Variants in USH2A observed in about 807,000 individuals in gnomAD.
USH2A encodes usherin, also known as Usher syndrome 2A (autosomal recessive, mild).
USH2A carries 443 observed loss-of-function variants against 538.9 expected under a neutral mutation model. The ratio of observed to expected loss-of-function variants is 0.82; its 90% CI spans 0.76 to 0.89. The LOEUF (loss-of-function observed/expected upper bound fraction) is 0.89. Ranked by LOEUF, USH2A falls within the 40% of genes least tolerant of loss-of-function variation. The probability of loss-of-function intolerance (pLI) is 0.00; values close to 1 mark genes in which losing one functional copy is unlikely to be tolerated. For missense variants in USH2A, 6,633 were observed against 6,324.8 expected (o/e 1.05, Z -1.65); for synonymous variants, 2,413 against 2,273.5 (o/e 1.06, Z -1.75).
intron 32 of USH2A, among the ~76,000 whole-genome samples, chr1:216,013,240 G>A (rs902078850): frequency 6.7e-6 from 1 of 149,926 alleles, no homozygotes; most frequent in Non-Finnish European, 1.5e-5. Context: ...AATGACAAAT[G>A]TTTCTTCTAA....
At chr1:215,726,707 C>T (rs1356294946) in intron 61 of USH2A, among the ~76,000 whole-genome samples, 1 of 152,076 alleles carries the variant, frequency 6.6e-6, no homozygotes, top group East Asian at 1.9e-4. Flanking sequence ...GGTCTTGGCA[C>T]ATATTTGTAT....
In USH2A at chr1:215,671,014, A is replaced by G. The variant is rs1657796799; in HGVS notation, c.14091T>C (p.Phe4697=). ...VLIYNGSSTS[F]IDSELLPFTE... is the part of the protein sequence containing the mutation. Reference sequence around the variant, plus strand: ...TGAAAGGCAATAGTTCGGAATCTATAAAAGATGTTGAGCTTCCGTTATAGA... The same window carrying G: ...TGAAAGGCAATAGTTCGGAATCTATGAAAGATGTTGAGCTTCCGTTATAGA... Residue 4697 remains phenylalanine, a synonymous_variant, in exon 64 of 72, where the codon TTT becomes TTC. Coordinates refer to ENST00000307340, the MANE Select transcript of USH2A (RefSeq NM_206933.4). 2 of 1,614,038 alleles carry G rather than the reference A, an allele frequency of 1.2e-6. No individual in the cohort carries two copies. The highest frequency in any genetic ancestry group is 1.3e-5 in the African/African-American group (1 of 74,924).
chr1:215,888,885 C>A lies in USH2A; in HGVS notation c.7764G>T (p.Met2588Ile). ...TATAGGCAGTGTATGGGTGTAAATG[C>A]ATCACTGTGCAATTAGTGACATTTC... ...TPGNVTNCTV[M>I]HLHPYTAYKF... The change falls in exon 41 of 72, where the codon ATG becomes ATT. Residue 2588 changes from methionine (M) to isoleucine (I), a missense_variant. By Grantham distance (10) the Met-to-Ile change is conservative (BLOSUM62 1). Coordinates refer to ENST00000307340, the MANE Select transcript of USH2A (RefSeq NM_206933.4). 6.2e-7 allele frequency: 1 copy of A among 1,614,118 alleles called. No individual in the cohort carries two copies. Among genetic ancestry groups the A allele is most frequent in the Non-Finnish European group, 8.5e-7 (1 of 1,180,002 alleles).
intron 64 of USH2A, among the ~76,000 whole-genome samples, chr1:215,656,707 T>C (rs531103093): frequency 2.6e-5 from 4 of 152,188 alleles, no homozygotes; most frequent in Non-Finnish European, 5.9e-5. Context: ...CTGAGCTCTC[T>C]GCAACTTCTG....
At chr1:216,080,067 T>C (rs1354908808) in intron 26 of USH2A, 1 of 151,964 alleles carries the variant, frequency 6.6e-6, no homozygotes, top group Non-Finnish European at 1.5e-5. Context: ...ATATATTGAG[T>C]TTGAAATGCC....
intron 64 of USH2A, among the ~76,000 whole-genome samples, chr1:215,652,341 G>A (rs1277509897): frequency 6.6e-6 from 1 of 152,208 alleles, no homozygotes; most frequent in Non-Finnish European, 1.5e-5. Flanking sequence ...AAATAAAATA[G>A]TCAGAATCAT....
chr1:215,758,743 G>T lies in USH2A; in HGVS notation c.11241C>A (p.Tyr3747Ter), dbSNP rs777465132. ...KNLEPNSRYT[Y>*]KLEVKTGGGS... ...CACCTCCAGTTTTGACTTCTAACTT[G>T]TAAGTGTATCTATATTTAAAAAGAA... The change falls in exon 58 of 72, where the codon TAC becomes TAA. Residue 3747 changes from tyrosine to a stop codon, truncating the protein, a stop_gained. Coordinates refer to ENST00000307340, the MANE Select transcript of USH2A (RefSeq NM_206933.4). LOFTEE classifies it high-confidence loss of function. 2.5e-6 allele frequency: 4 copies of T among 1,613,660 alleles called. No individual in the cohort carries two copies. Among genetic ancestry groups the T allele is most frequent in the Middle Eastern group, 1.6e-4 (1 of 6,076 alleles).
Position 215,624,261 on chromosome 1 carries a change from T to C in USH2A, c.*1520A>G, listed in dbSNP as rs1655915252. ...CTTTTGACACTTATGGTTGGCAAAC[T>C]TTGTCTAGGAGTTGGTCAGTCTGAG... On this transcript the variant is annotated 3_prime_UTR_variant, in exon 72 of 72. Transcript: ENST00000307340. 6.6e-6 allele frequency: 1 copy of C among 152,156 alleles called. No individual in the cohort carries two copies. The highest frequency in any genetic ancestry group is 6.6e-5 in the Admixed American group (1 of 15,252). The allele number at this position is 152,156 out of a possible 1,614,324, so 9.4% of individuals were successfully genotyped here. A position where few individuals can be genotyped will look rare whatever the true frequency, so the allele number is the denominator to read the frequency against.
In USH2A at chr1:215,919,407, A is replaced by G. The variant is rs537977814; in HGVS notation, c.7300+15209T>C. ...TAGTGCTTATTATTTACTACCATTT[A>G]CAGAAGAACAAAGTAAAGCAGACTC... On this transcript the variant is annotated intron_variant, in intron 38 of 71. Coordinates refer to ENST00000307340, the MANE Select transcript of USH2A (RefSeq NM_206933.4). 9.2e-5 allele frequency among the ~76,000 whole-genome samples: 14 copies of G among 152,232 alleles called. No individual in the cohort carries two copies. In the South Asian group the frequency reaches 2.9e-3, roughly 32 times the overall value.
intron 40 of USH2A, among the ~76,000 whole-genome samples, chr1:215,890,824 TA>T (rs199924361): frequency 6.6e-6 from 1 of 152,146 alleles, no homozygotes; most frequent in Non-Finnish European, 1.5e-5. Context: ...TTTTGAAATC[TA>T]AAAAAACCCC....
intron 32 of USH2A, among the ~76,000 whole-genome samples, chr1:216,018,401 G>GA (rs1668766669): frequency 6.6e-6 from 1 of 152,178 alleles, no homozygotes; most frequent in African/African-American, 2.4e-5. Context: ...TGTACTGTAG[G>GA]AAGGGCCTCC....
chr1:216,089,653 A>T (rs777932252), intron 22 of USH2A, among the ~76,000 whole-genome samples: 1 of 152,072 alleles, frequency 6.6e-6, no homozygotes, highest in Non-Finnish European at 1.5e-5. Context: ...TACATTAAAC[A>T]TAAGGGTGGA....
chr1:215,874,202 G>A (rs1443876829), intron 43 of USH2A, among the ~76,000 whole-genome samples: 2 of 152,148 alleles, frequency 1.3e-5, no homozygotes, highest in Non-Finnish European at 2.9e-5. Context: ...TGATGAAAAT[G>A]TCAGGAAACC....
At chr1:216,038,132 G>A (rs1558225068) in intron 32 of USH2A, among the ~76,000 whole-genome samples, 2 of 151,968 alleles carry the variant, frequency 1.3e-5, no homozygotes, top group Admixed American at 1.3e-4. Flanking sequence ...GCCACTGCAG[G>A]CTTCATCTTT....
At chr1:215,694,379 C>A (rs1006823063) in intron 61 of USH2A, among the ~76,000 whole-genome samples, 7 of 152,228 alleles carry the variant, frequency 4.6e-5, no homozygotes, top group Admixed American at 3.3e-4. Flanking sequence ...CAAGACCATC[C>A]CGGCTAACAC....
At chr1:215,644,559 A>G (rs1656787918) in intron 67 of USH2A, among the ~76,000 whole-genome samples, 2 of 152,206 alleles carry the variant, frequency 1.3e-5, no homozygotes, top group Non-Finnish European at 2.9e-5. Context: ...TGAAAATCCA[A>G]AGAAGTAGAG....
At chr1:216,157,130 C>T (rs985931100) in intron 21 of USH2A, among the ~76,000 whole-genome samples, 1 of 152,118 alleles carries the variant, frequency 6.6e-6, no homozygotes, top group African/African-American at 2.4e-5. Context: ...CCTCGGCCTC[C>T]CAAAGTGCTG....
At chr1:216,042,285 G>C (rs1314782539) in intron 32 of USH2A, among the ~76,000 whole-genome samples, 1 of 151,834 alleles carries the variant, frequency 6.6e-6, no homozygotes, top group Admixed American at 6.6e-5. Flanking sequence ...GTTTCAATAT[G>C]ACAGGATTCT....
chr1:216,303,210 G>T (rs1470377881), intron 9 of USH2A, among the ~76,000 whole-genome samples: 1 of 151,856 alleles, frequency 6.6e-6, no homozygotes, highest in Non-Finnish European at 1.5e-5. Flanking sequence ...TGTAGATAGT[G>T]GACAAGATAA....
Sources: gnomAD v4.1 joint callset for allele counts (sites outside exome capture counted in the v4.1 genomes callset) on GRCh38, gnomAD v4.1.1 for gene constraint, MANE v1.5 for transcripts, NCBI Gene and HGNC (gene_info 2026-07-23, HGNC 2026-07-21) for gene names.